Variants in PDLIM3 observed in about 807,000 individuals in gnomAD.
PDLIM3 encodes the protein PDZ and LIM domain protein 3.
PDLIM3 carries 36 observed loss-of-function variants against 37.3 expected under a neutral mutation model. That is an observed-to-expected ratio of 0.97 (90% CI 0.74 to 1.28). PDLIM3 has a LOEUF of 1.28. PDLIM3 is among the 50% of genes most tolerant of loss of function. The probability of loss-of-function intolerance (pLI) is 0.00; values close to 1 mark genes in which losing one functional copy is unlikely to be tolerated. For synonymous variants in PDLIM3, 174 were observed against 182.4 expected (o/e 0.95, Z 0.37); for missense variants, 454 against 485.0 (o/e 0.94, Z 0.60).
At chr4:185,507,980 T>C (rs1236659918) in intron 5 of PDLIM3, among the ~76,000 whole-genome samples, 1 of 152,142 alleles carries the variant, frequency 6.6e-6, no homozygotes, top group East Asian at 1.9e-4. Flanking sequence ...AAGTACATTG[T>C]AGCTTTCGAG....
At chr4:185,530,289 A>G (rs1404739009) in intron 1 of PDLIM3, among the ~76,000 whole-genome samples, 1 of 152,240 alleles carries the variant, frequency 6.6e-6, no homozygotes, top group Non-Finnish European at 1.5e-5. Context: ...GTCCTTTCTA[A>G]AAGTTTAAAC....
intron 4 of PDLIM3, chr4:185,513,950 G>T: frequency 1.6e-6 from 2 of 1,237,250 alleles, no homozygotes; most frequent in Admixed American, 7.0e-5. Context: ...CCTGACCTGG[G>T]ATAGACATAC....
intron 3 of PDLIM3, chr4:185,516,388 G>C (rs2095714932): frequency 6.6e-6 from 1 of 152,136 alleles, no homozygotes; most frequent in Non-Finnish European, 1.5e-5. Flanking sequence ...AACATTAAAA[G>C]ATCCTGTAAT....
rs1294383798 is a variant in PDLIM3, at chr4:185,514,036, G to T, written c.398+234C>A. ...TCAGGGGTGTTCGCTATAAATACAC[G>T]TGGTGATTGCATACAATTTCACAGC... On this transcript the variant is annotated intron_variant, in intron 4 of 7. Transcript: ENST00000284767. The surrounding 1 kb of genome is among the most constrained non-coding windows in gnomAD (Gnocchi z 4.0). 5 of 1,409,404 alleles carry T rather than the reference G, an allele frequency of 3.5e-6. No homozygotes were observed. The East Asian group carries it at 1.4e-4, about 39-fold the overall frequency. 87.3% of individuals were successfully genotyped at this position (1,409,404 alleles called of 1,614,324 possible).
At chr4:185,529,278 G>C (rs542695872) in intron 1 of PDLIM3, among the ~76,000 whole-genome samples, 11 of 152,290 alleles carry the variant, frequency 7.2e-5, no homozygotes, top group Non-Finnish European at 1.5e-4. Context: ...CGCCTCAGAT[G>C]ATTTCTGTTA....
chr4:185,513,086 GCATTTATTCTGTCT>G (rs2095709173), intron 4 of PDLIM3: 4 of 984,610 alleles, frequency 4.1e-6, no homozygotes, highest in Non-Finnish European at 4.8e-6. Flanking sequence ...CGCTTATTGA[GCATTTATTCTGTCT>G]CATTTCTAGG....
Position 185,514,227 on chromosome 4 carries a change from A to C in PDLIM3, c.398+43T>G. The C allele has an allele frequency of 6.2e-7, 1 of 1,614,184 alleles. No homozygotes were observed. Among genetic ancestry groups the C allele is most frequent in the Non-Finnish European group, 8.5e-7 (1 of 1,180,004 alleles). ...CTTGATGATTAGTAAGAACTGATTT[A>C]AGAAGCATGCACTGCAAACTCCACA... On this transcript the variant is annotated intron_variant, in intron 4 of 7. Transcript: ENST00000284767. This position sits in a 1 kb window ranked among gnomAD's most constrained non-coding sequence, Gnocchi z 4.0.
Position 185,502,139 on chromosome 4 carries a change from C to A in PDLIM3, c.*155G>T. The A allele has an allele frequency of 1.3e-6, 1 of 798,224 alleles. No homozygotes were observed. The highest frequency in any genetic ancestry group is 1.7e-5 in the African/African-American group (1 of 58,510). The allele number at this position is 798,224 out of a possible 1,614,324, so 49.4% of individuals were successfully genotyped here. ...ACATAGCAGGCATTTGCCTCCCATT[C>A]CTTTTCCTCAATAAACAATAGGATA... On this transcript the variant is annotated 3_prime_UTR_variant, in exon 8 of 8. Coordinates refer to ENST00000284767, the MANE Select transcript of PDLIM3 (RefSeq NM_014476.6).
chr4:185,534,235 TAAATA>T (rs1282837295), intron 1 of PDLIM3, among the ~76,000 whole-genome samples: 5 of 152,184 alleles, frequency 3.3e-5, no homozygotes, highest in Non-Finnish European at 5.9e-5. Flanking sequence ...TAGGCATATA[TAAATA>T]AAACAGAATT....
At chr4:185,534,826 C>A (rs1256578544) in intron 1 of PDLIM3, among the ~76,000 whole-genome samples, 1 of 152,176 alleles carries the variant, frequency 6.6e-6, no homozygotes, top group Non-Finnish European at 1.5e-5. Context: ...TCCAGTTTGG[C>A]CAACGCAGGT....
chr4:185,506,470 C>T (rs1580236395), intron 6 of PDLIM3, 52 bp downstream of exon 6: 2 of 1,609,766 alleles, frequency 1.2e-6, no homozygotes, highest in South Asian at 1.1e-5. Flanking sequence ...CCGTCCCGCC[C>T]CCTGCAGTGG....
Position 185,504,109 on chromosome 4 carries a change from C to A in PDLIM3, c.905+366G>T, listed in dbSNP as rs1197687737. Among the ~76,000 whole-genome samples the A allele has an allele frequency of 6.6e-6, 1 of 152,102 alleles. No homozygotes were observed. Among genetic ancestry groups the A allele is most frequent in the Non-Finnish European group, 1.5e-5 (1 of 68,028 alleles). ...TATACAGAGGAGGATACTATGTATA[C>A]TAAATGTATACACAGTTCATGTATG... On this transcript the variant is annotated intron_variant, in intron 7 of 7. Transcript: ENST00000284767. This position sits in a 1 kb window ranked among gnomAD's most constrained non-coding sequence, Gnocchi z 4.7.
intron 4 of PDLIM3, 28 bp from the exon 5 acceptor site, chr4:185,508,590 A>G: frequency 6.2e-7 from 1 of 1,612,338 alleles, no homozygotes; most frequent in East Asian, 2.2e-5. Context: ...CGTTACACAG[A>G]GATGGCACCG....
chr4:185,515,670 T>C (rs1580250705), intron 3 of PDLIM3: 1 of 152,262 alleles, frequency 6.6e-6, no homozygotes, highest in Middle Eastern at 3.4e-3. Flanking sequence ...ACTTTATTCC[T>C]TGGGAAAAGG....
rs148534403 is a variant in PDLIM3, at chr4:185,529,244, C to A, written c.94-4073G>T. 3.5e-3 allele frequency among the ~76,000 whole-genome samples: 527 copies of A among 152,250 alleles called. 1 individual carries two copies. Among genetic ancestry groups the A allele is most frequent in the African/African-American group, 0.012 (508 of 41,544 alleles). On this transcript the variant is annotated intron_variant, in intron 1 of 7. Coordinates refer to ENST00000284767, the MANE Select transcript of PDLIM3 (RefSeq NM_014476.6). ...GGAACAGAATCTCTAGGAGAGGAGC[C>A]AGGGAATTTATGCTTTCAACAAGCG...
In PDLIM3 at chr4:185,535,368, A is replaced by G. The variant is rs748724098; in HGVS notation, c.67T>C (p.Phe23Leu). 1 of 1,608,946 alleles carries G rather than the reference A, an allele frequency of 6.2e-7. No individual in the cohort carries two copies. Among genetic ancestry groups the G allele is most frequent in the Non-Finnish European group, 8.5e-7 (1 of 1,177,852 alleles). Residue 23 changes from phenylalanine to leucine, a missense_variant, in exon 1 of 8, where the codon TTC (phenylalanine) becomes CTC (leucine). Coordinates refer to ENST00000284767, the MANE Select transcript of PDLIM3 (RefSeq NM_014476.6). ...CTGGTGATGACCAAAGGCTGGTTGA[A>G]GTCTATGCCCCCTGAGAGCCTGAAG... ...WGFRLSGGIDFNQPLVITRIT... is the reference protein window; with the variant it reads ...WGFRLSGGIDLNQPLVITRIT...
At chr4:185,509,546 C>G (rs191872014) in intron 4 of PDLIM3, among the ~76,000 whole-genome samples, 65 of 152,166 alleles carry the variant, frequency 4.3e-4, no homozygotes, top group African/African-American at 1.6e-3. Flanking sequence ...AACTGACATG[C>G]TAGTGACTAA....
chr4:185,524,339 G>A lies in PDLIM3; in HGVS notation c.245+681C>T, dbSNP rs1325990957. Among the ~76,000 whole-genome samples the A allele has an allele frequency of 3.3e-5, 5 of 152,262 alleles. No individual in the cohort carries two copies. The East Asian group carries it at 5.8e-4, about 18-fold the overall frequency. Reference sequence around the variant, plus strand: ...GATTGATCCTTCTGTACCACAGCACGGAAAACTGTGAGTACAATCATAACA... The same window carrying A: ...GATTGATCCTTCTGTACCACAGCACAGAAAACTGTGAGTACAATCATAACA... On this transcript the variant is annotated intron_variant, in intron 2 of 7. Transcript: ENST00000284767.
chr4:185,511,975 C>T (rs1352541550), intron 4 of PDLIM3: 1 of 152,056 alleles, frequency 6.6e-6, no homozygotes, highest in Non-Finnish European at 1.5e-5. Flanking sequence ...GGTATGCAGC[C>T]ACTCACAATT....
Sources: allele counts gnomAD v4.1 joint callset (sites outside exome capture counted in the v4.1 genomes callset), GRCh38; gene constraint gnomAD v4.1.1; non-coding constraint Gnocchi (gnomAD v3.1); transcripts MANE v1.5; gene names NCBI Gene and HGNC (gene_info 2026-07-23, HGNC 2026-07-21).